Variants in RBFOX1 observed in about 807,000 individuals in gnomAD.
RBFOX1 encodes RNA binding fox-1 homolog 1.
RBFOX1 carries 8 observed loss-of-function variants against 57.7 expected under a neutral mutation model. That is an observed-to-expected ratio of 0.14 (90% confidence interval 0.08 to 0.25). RBFOX1 has a LOEUF of 0.25. Ranked by LOEUF, RBFOX1 falls within the 10% of genes least tolerant of loss-of-function variation. The pLI is 1.00. For missense variants in RBFOX1, 611 were observed against 548.5 expected (o/e 1.11, Z -1.14); for synonymous variants, 326 against 222.4 (o/e 1.47, Z -4.15).
intron 1 of RBFOX1, among the ~76,000 whole-genome samples, chr16:6,313,295 T>C (rs555071121): frequency 1.3e-5 from 2 of 152,282 alleles, no homozygotes; most frequent in African/African-American, 4.8e-5. Flanking sequence ...AAGCCAGCAA[T>C]GTAGGATTTA....
chr16:6,545,278 T>C (rs955392102), intron 2 of RBFOX1, among the ~76,000 whole-genome samples: 8 of 152,192 alleles, frequency 5.3e-5, no homozygotes, highest in Non-Finnish European at 1.0e-4. Flanking sequence ...ACAGGTTACC[T>C]TTCCCCATCT....
chr16:6,873,271 C>T (rs1440633376), intron 3 of RBFOX1, among the ~76,000 whole-genome samples: 2 of 152,024 alleles, frequency 1.3e-5, no homozygotes, highest in Middle Eastern at 3.2e-3. Context: ...CATTAGTTAT[C>T]TTGGTCCCAA....
intron 3 of RBFOX1, among the ~76,000 whole-genome samples, chr16:5,770,750 C>T (rs2053950987): frequency 6.6e-6 from 1 of 152,202 alleles, no homozygotes; most frequent in Non-Finnish European, 1.5e-5. Context: ...ACTGTTTAAA[C>T]ACCTAATGTA....
At chr16:6,473,054 A>G (rs1043107110) in intron 2 of RBFOX1, among the ~76,000 whole-genome samples, 17 of 152,270 alleles carry the variant, frequency 1.1e-4, no homozygotes, top group African/African-American at 4.1e-4. Flanking sequence ...AGGAACACCC[A>G]TGATTACCTA....
At chr16:6,645,272 A>C (rs1245261733) in intron 2 of RBFOX1, among the ~76,000 whole-genome samples, 1 of 152,158 alleles carries the variant, frequency 6.6e-6, no homozygotes, top group African/African-American at 2.4e-5. Flanking sequence ...TTTGCAAACA[A>C]GGTCACATTC....
intron 1 of RBFOX1, among the ~76,000 whole-genome samples, chr16:6,240,547 A>G (rs1213585567): frequency 6.6e-6 from 1 of 152,064 alleles, no homozygotes; most frequent in East Asian, 1.9e-4. Flanking sequence ...CAAACTCTTC[A>G]TCATCTTATA....
intron 3 of RBFOX1, among the ~76,000 whole-genome samples, chr16:6,817,464 C>T (rs1288598803): frequency 6.8e-6 from 1 of 148,052 alleles, no homozygotes; most frequent in African/African-American, 2.5e-5. Context: ...GAGGCAGAGG[C>T]AGGCAGATTG....
At chr16:7,077,282 C>G (rs896540040) in intron 4 of RBFOX1, among the ~76,000 whole-genome samples, 2 of 152,198 alleles carry the variant, frequency 1.3e-5, no homozygotes, top group Non-Finnish European at 2.9e-5. Context: ...CCCACTGTCT[C>G]AAAGTACATC....
At chr16:6,055,918 C>G (rs1345340033) in intron 1 of RBFOX1, among the ~76,000 whole-genome samples, 4 of 152,278 alleles carry the variant, frequency 2.6e-5, no homozygotes, top group East Asian at 3.9e-4. Context: ...TACTAATCCC[C>G]TCTTGATGAG....
At chr16:6,753,372 A>T (rs2075274446) in intron 3 of RBFOX1, among the ~76,000 whole-genome samples, 1 of 152,234 alleles carries the variant, frequency 6.6e-6, no homozygotes, top group Non-Finnish European at 1.5e-5. Context: ...GTGAATAGTC[A>T]TATAGTCAAC....
intron 3 of RBFOX1, among the ~76,000 whole-genome samples, chr16:6,827,786 G>T (rs2092336496): frequency 6.6e-6 from 1 of 152,082 alleles, no homozygotes; most frequent in Non-Finnish European, 1.5e-5. Context: ...TCTTTCCCTG[G>T]CCTTTATCCC....
intron 4 of RBFOX1, among the ~76,000 whole-genome samples, chr16:7,217,896 ATGTGTGTGCATGTGTGTG>A (rs1160126740): frequency 7.9e-6 from 1 of 127,306 alleles, no homozygotes; most frequent in African/African-American, 3.0e-5. Flanking sequence ...GTGCATGCGT[ATGTGTGTGCATGTGTGTG>A]TGTGAGTGTA....
At chr16:7,213,609 G>T (rs1277571889) in intron 4 of RBFOX1, among the ~76,000 whole-genome samples, 2 of 151,932 alleles carry the variant, frequency 1.3e-5, no homozygotes, top group African/African-American at 4.8e-5. Flanking sequence ...AGTATGATGG[G>T]AGCTTACCGT....
intron 1 of RBFOX1, among the ~76,000 whole-genome samples, chr16:6,057,825 G>GTTTTTTTTT (rs34335596): frequency 1.2e-5 from 1 of 81,118 alleles, no homozygotes; most frequent in Non-Finnish European, 2.2e-5. Flanking sequence ...TTTGCTATGG[G>GTTTTTTTTT]TTTTTTTTTT....
intron 3 of RBFOX1, among the ~76,000 whole-genome samples, chr16:5,633,621 C>G (rs1305061883): frequency 6.6e-6 from 1 of 152,100 alleles, no homozygotes; most frequent in African/African-American, 2.4e-5. Context: ...CGCCTGTAAT[C>G]CCAGCACTTT....
chr16:6,574,350 T>G (rs2097391877), intron 2 of RBFOX1, among the ~76,000 whole-genome samples: 1 of 151,828 alleles, frequency 6.6e-6, no homozygotes, highest in African/African-American at 2.4e-5. Context: ...TGTGCGTCAG[T>G]TTTTCACTAG....
At chr16:6,760,841 C>T in intron 3 of RBFOX1, among the ~76,000 whole-genome samples, 1 of 152,146 alleles carries the variant, frequency 6.6e-6, no homozygotes, top group East Asian at 1.9e-4. Flanking sequence ...TGTGTGGCCC[C>T]AGGGAGTGGC....
intron 3 of RBFOX1, among the ~76,000 whole-genome samples, chr16:6,996,403 G>A (rs992457073): frequency 1.3e-5 from 2 of 152,092 alleles, no homozygotes; most frequent in Non-Finnish European, 2.9e-5. Context: ...GTGTGTGCAT[G>A]TATAGGTATC....
chr16:7,045,933 C>T (rs1263072330), intron 3 of RBFOX1, among the ~76,000 whole-genome samples: 2 of 152,170 alleles, frequency 1.3e-5, no homozygotes, highest in African/African-American at 4.8e-5. Context: ...GCTGGGATTA[C>T]AGGTGTGAGC....
Sources: allele counts gnomAD v4.1 joint callset (sites outside exome capture counted in the v4.1 genomes callset), GRCh38; gene constraint gnomAD v4.1.1; transcripts MANE v1.5; gene names NCBI Gene and HGNC (gene_info 2026-07-23, HGNC 2026-07-21).